The following PTPRC variants were observed in gnomAD, a reference collection of about 807,000 sequenced individuals.
PTPRC encodes the protein receptor-type tyrosine-protein phosphatase C.
Under a neutral mutation model 155.9 loss-of-function variants are expected in PTPRC, and 44 were observed. The observed-to-expected ratio is 0.28, with a 90% CI of 0.22 to 0.36. The LOEUF (loss-of-function observed/expected upper bound fraction) is 0.36. PTPRC is among the 10% of genes least tolerant of loss of function. The pLI, the probability that PTPRC is intolerant of heterozygous loss-of-function variation, is 1.00. For missense variants in PTPRC, 1,401 were observed against 1,564.6 expected, an observed-to-expected ratio of 0.90 and a Z score of 1.76; for synonymous variants, 525 against 533.1, an observed-to-expected ratio of 0.98 and a Z score of 0.21.
Position 198,738,818 on chromosome 1 carries a change from C to T in PTPRC, c.2404-3051C>T, listed in dbSNP as rs571771950. Among the ~76,000 whole-genome samples the T allele has an allele frequency of 1.6e-4, 25 of 151,646 alleles. No homozygotes were observed. In the East Asian group the frequency reaches 2.3e-3, roughly 14 times the overall value. On this transcript the variant is annotated intron_variant, in intron 23 of 32. Transcript: ENST00000442510. ...CTGGGAAACTTTTCATGACAACCTC[C>T]GTTTCATTACTTGTTGTCTGTTCAG... is the stretch of plus-strand genomic sequence containing the variant.
At position 198,679,091 on chromosome 1, in the gene PTPRC, C is replaced by G. The variant is rs149441067; in HGVS notation, c.74-13256C>G. 11 of 180,746 alleles carry G rather than the reference C, an allele frequency of 6.1e-5. No individual in the cohort carries two copies. In the East Asian group the frequency reaches 1.2e-3, roughly 20 times the overall value. 11.2% of individuals were successfully genotyped at this position (180,746 alleles called of 1,614,324 possible). A position where few individuals can be genotyped will look rare whatever the true frequency, so the allele number is the denominator to read the frequency against. On this transcript the variant is annotated intron_variant, in intron 2 of 32. Transcript: ENST00000442510. ...ACATGCAACACTGAACTGGAGAACA[C>G]GGCTTGGGGCCTCTGGGACAGTTCA...
At chr1:198,642,324 T>C (rs924029256) in intron 2 of PTPRC, among the ~76,000 whole-genome samples, 2 of 151,960 alleles carry the variant, frequency 1.3e-5, no homozygotes, top group African/African-American at 2.4e-5. Flanking sequence ...ACACATAAAC[T>C]AGTTATATAT....
In PTPRC at chr1:198,741,862, T is replaced by C; in HGVS notation, c.2404-7T>C. On this transcript the variant is annotated splice_polypyrimidine_tract_variant and splice_region_variant and intron_variant, in intron 23 of 32. Coordinates refer to ENST00000442510, the MANE Select transcript of PTPRC (RefSeq NM_002838.5). ...TCATCTCAAAGAAAATATTATCTCT[T>C]GACTAGAAAAAAGAAAAAGCAACTG... The C allele has an allele frequency of 6.2e-7, 1 of 1,610,704 alleles. No individual in the cohort carries two copies. The highest frequency in any genetic ancestry group is 8.5e-7 in the Non-Finnish European group (1 of 1,178,142).
chr1:198,672,645 T>G (rs1284629658), intron 2 of PTPRC, among the ~76,000 whole-genome samples: 3 of 151,676 alleles, frequency 2.0e-5, no homozygotes, highest in Non-Finnish European at 4.4e-5. Context: ...ATTTTTTTTT[T>G]TTTTGTATTT....
At chr1:198,679,655 C>G in intron 2 of PTPRC, 4 of 282,036 alleles carry the variant, frequency 1.4e-5, no homozygotes, top group Non-Finnish European at 2.8e-5. Flanking sequence ...CGTCACACTT[C>G]AGCAGCCTGT....
At chr1:198,704,299 T>A (rs749003815) in intron 7 of PTPRC, among the ~76,000 whole-genome samples, 173 bp from the exon 8 acceptor site, 2 of 152,244 alleles carry the variant, frequency 1.3e-5, no homozygotes, top group Non-Finnish European at 2.9e-5. Context: ...TCCTTTATAA[T>A]GCTTTAAGTT....
At chr1:198,747,254 G>GA (rs67022392) in intron 26 of PTPRC, among the ~76,000 whole-genome samples, 1,931 of 135,006 alleles carry the variant, frequency 0.014, 23 homozygotes, top group Non-Finnish European at 0.017. Flanking sequence ...GTTCAAGCAA[G>GA]AAAAAAAAAA....
At chr1:198,641,836 ATTTCC>A (rs1258725193) in intron 2 of PTPRC, among the ~76,000 whole-genome samples, 1 of 152,052 alleles carries the variant, frequency 6.6e-6, no homozygotes, top group Non-Finnish European at 1.5e-5. Flanking sequence ...GTTAAGACTC[ATTTCC>A]TGGACATAAT....
intron 5 of PTPRC, among the ~76,000 whole-genome samples, chr1:198,701,339 C>T (rs1017589309): frequency 6.6e-6 from 1 of 152,174 alleles, no homozygotes; most frequent in South Asian, 2.1e-4. Context: ...ATGTTCAGAA[C>T]GTGCATGCAT....
At position 198,756,240 on chromosome 1, in the gene PTPRC, A is replaced by G. The variant is rs1199821810; in HGVS notation, c.*59A>G. Reference sequence around the variant, plus strand: ...TGTTAGCTGTTATTTCTATTTTTGTAGAAGTAGGAAGTGAAAATAGGTATA... The same window carrying G: ...TGTTAGCTGTTATTTCTATTTTTGTGGAAGTAGGAAGTGAAAATAGGTATA... On this transcript the variant is annotated 3_prime_UTR_variant, in exon 33 of 33. Coordinates refer to ENST00000442510, the MANE Select transcript of PTPRC (RefSeq NM_002838.5). 8.2e-6 allele frequency: 13 copies of G among 1,594,658 alleles called. No homozygotes were observed. The highest frequency in any genetic ancestry group is 9.4e-6 in the Non-Finnish European group (11 of 1,166,136).
At chr1:198,645,369 T>C (rs553710328) in intron 2 of PTPRC, among the ~76,000 whole-genome samples, 72 of 151,754 alleles carry the variant, frequency 4.7e-4, no homozygotes, top group Non-Finnish European at 9.6e-4. Context: ...AAAAATATAA[T>C]AATTTACTGA....
At chr1:198,704,366 T>C (rs1222001844) in intron 7 of PTPRC, 106 bp from the exon 8 acceptor site, 7 of 1,566,220 alleles carry the variant, frequency 4.5e-6, no homozygotes, top group Non-Finnish European at 6.1e-6. Context: ...TCTAACTAGA[T>C]AGACTTTATG....
At position 198,709,799 on chromosome 1, in the gene PTPRC, T is replaced by A; in HGVS notation, c.1146T>A (p.Ser382Arg). 1.9e-6 allele frequency: 3 copies of A among 1,612,594 alleles called. No homozygotes were observed. Among genetic ancestry groups the A allele is most frequent in the Non-Finnish European group, 2.5e-6 (3 of 1,179,202 alleles). ...ATAACCACAAGTTTACTAACGCAAG[T>A]AAAATTATTAAAACAGATTTTGGGA... ...LYNNHKFTNA[S>R]KIIKTDFGSP... is the part of the protein sequence containing the mutation. Residue 382 changes from serine to arginine, a missense_variant, in exon 11 of 33, where the codon AGT becomes AGA. This residue lies in a region of PTPRC where 867 missense variants were observed against 970.4 expected (regional missense o/e 0.89). Coordinates refer to ENST00000442510, the MANE Select transcript of PTPRC (RefSeq NM_002838.5).
intron 2 of PTPRC, among the ~76,000 whole-genome samples, chr1:198,671,017 T>C (rs926656124): frequency 2.8e-4 from 43 of 152,154 alleles, no homozygotes; most frequent in African/African-American, 9.9e-4. Flanking sequence ...ACAAAAACTT[T>C]AATCATTTCA....
intron 2 of PTPRC, among the ~76,000 whole-genome samples, chr1:198,669,588 C>T (rs72738029): frequency 8.7e-4 from 132 of 152,164 alleles, no homozygotes; most frequent in Non-Finnish European, 1.4e-3. Context: ...TGAATCCCAC[C>T]GACATGGAAT....
At chr1:198,713,179 T>C (rs935116725) in intron 12 of PTPRC, 107 bp downstream of exon 12, 1 of 1,490,336 alleles carries the variant, frequency 6.7e-7, no homozygotes, top group Non-Finnish European at 9.3e-7. Context: ...GCTTAGAGAC[T>C]GCATAGGCAT....
rs1010398664 is a variant in PTPRC at position 198,703,208 on chromosome 1, A to G, written c.584-90A>G. 3.8e-6 allele frequency: 6 copies of G among 1,580,774 alleles called. No homozygotes were observed. The Admixed American group carries it at 5.0e-5, about 13-fold the overall frequency. On this transcript the variant is annotated intron_variant, in intron 6 of 32. Transcript: ENST00000442510. ...GAGGACTCCTAGAGCAAAGATGCCA[A>G]TAGGAAATTATCTTTGCTAAAGAGT... is the stretch of plus-strand genomic sequence containing the variant.
At chr1:198,743,533 T>G (rs1017358213) in intron 25 of PTPRC, among the ~76,000 whole-genome samples, 4 of 151,750 alleles carry the variant, frequency 2.6e-5, no homozygotes, top group Non-Finnish European at 5.9e-5. Flanking sequence ...TCAAACAAAA[T>G]AAGCAGTAAA....
At chr1:198,661,616 A>G (rs1663971230) in intron 2 of PTPRC, among the ~76,000 whole-genome samples, 2 of 152,086 alleles carry the variant, frequency 1.3e-5, no homozygotes, top group South Asian at 4.1e-4. Flanking sequence ...AATAATACTC[A>G]TAACACTTAA....
Sources: allele counts gnomAD v4.1 joint callset (sites outside exome capture counted in the v4.1 genomes callset), GRCh38; gene constraint gnomAD v4.1.1; regional missense constraint gnomAD v4.1.1; transcripts MANE v1.5; gene names NCBI Gene and HGNC (gene_info 2026-07-23, HGNC 2026-07-21).